The following ZNF574 variants were observed in gnomAD, a reference collection of about 807,000 sequenced individuals.
ZNF574 encodes zinc finger protein 574.
A neutral mutation model predicts 56.6 loss-of-function variants in ZNF574; 25 were observed. That is an observed-to-expected ratio of 0.44 (90% CI 0.32 to 0.62). ZNF574 has a LOEUF of 0.62. Ranked by LOEUF, ZNF574 falls within the 20% of genes least tolerant of loss-of-function variation. ZNF574 has a pLI of 0.04. For missense variants in ZNF574, 1,065 were observed against 1,218.9 expected (o/e 0.87, Z 1.88); for synonymous variants, 543 against 492.1 (o/e 1.10, Z -1.37).
chr19:42,080,150 G>T lies in ZNF574; in HGVS notation c.1544G>T (p.Arg515Leu). 6.2e-7 allele frequency: 1 copy of T among 1,613,948 alleles called. No individual in the cohort carries two copies. The highest frequency in any genetic ancestry group is 8.5e-7 in the Non-Finnish European group (1 of 1,180,002). The change falls in exon 2 of 2, where the codon CGC becomes CTC. Residue 515 changes from arginine (R) to leucine (L), a missense_variant. Transcript: ENST00000359044. This position sits in a 1 kb window ranked among gnomAD's most constrained non-coding sequence, Gnocchi z 8.5. ...AAGTCTCACGTGCGTAACCACCTGC[G>T]CACACACACAGGGGAGCGGCCCTTC... ...KKKSHVRNHLRTHTGERPFPC... is the reference protein window; with the variant it reads ...KKKSHVRNHLLTHTGERPFPC...
chr19:42,079,899 C>T lies in ZNF574; in HGVS notation c.1293C>T (p.Val431=), dbSNP rs1802672266. The change falls in exon 2 of 2, where the codon GTC becomes GTT. Residue 431 remains valine, a synonymous_variant. Transcript: ENST00000359044. This position sits in a 1 kb window ranked among gnomAD's most constrained non-coding sequence, Gnocchi z 4.3. ...CACCAGTCCCACCAGAGGAACCTGT[C>T]ATTGGTTTCCCTGAGCCAGCCCCAG... The part of the protein sequence containing the change: ...PTTPVPPEEP[V]IGFPEPAPAE... The T allele has an allele frequency of 3.1e-6, 5 of 1,614,084 alleles. No individual in the cohort carries two copies. The highest frequency in any genetic ancestry group is 4.2e-6 in the Non-Finnish European group (5 of 1,180,040).
At chr19:42,070,367 A>G in intron 1 of ZNF574, 1 of 153,450 alleles carries the variant, frequency 6.5e-6, no homozygotes, top group Non-Finnish European at 1.4e-5. Flanking sequence ...GAGAATGCTG[A>G]TGAGAAGAAG....
chr19:42,076,803 A>G (rs1251618852), intron 1 of ZNF574, among the ~76,000 whole-genome samples: 3 of 151,960 alleles, frequency 2.0e-5, no homozygotes, highest in African/African-American at 4.8e-5. Flanking sequence ...GGAAATCGAT[A>G]TCCCCAAGGG....
upstream of ZNF574, among the ~76,000 whole-genome samples, chr19:42,072,324 T>A (rs2076430192): frequency 1.3e-5 from 2 of 148,318 alleles, no homozygotes; most frequent in African/African-American, 5.0e-5. Flanking sequence ...AAGCTCTGCC[T>A]CCTGGGTTCA....
exon 1 of ZNF574, chr19:42,068,511 C>A: frequency 2.6e-6 from 1 of 385,622 alleles, no homozygotes. Flanking sequence ...GCCGGGCACC[C>A]AGAGTGGATC....
At chr19:42,074,878 C>G (rs749376589), upstream of ZNF574, 1 of 152,186 alleles carries the variant, frequency 6.6e-6, no homozygotes, top group Non-Finnish European at 1.5e-5. Context: ...AGGAGTAGGT[C>G]TGGAAATGTT....
upstream of ZNF574, among the ~76,000 whole-genome samples, chr19:42,075,707 C>T (rs2076450142): frequency 6.6e-6 from 1 of 152,038 alleles, no homozygotes; most frequent in South Asian, 2.1e-4. Context: ...CCCGTGCCTC[C>T]ATTCCCCCGC....
chr19:42,069,033 T>C (rs545318506), intron 1 of ZNF574: 19 of 507,122 alleles, frequency 3.7e-5, no homozygotes, highest in African/African-American at 2.8e-4. Context: ...GGGGCGGCAG[T>C]GAGCTATGTA....
At position 42,079,432 on chromosome 19, in the gene ZNF574, T is replaced by TA; in HGVS notation, c.827dup (p.Tyr276Ter). 1 of 1,613,676 alleles carries TA rather than the reference T, an allele frequency of 6.2e-7. No individual in the cohort carries two copies. Among genetic ancestry groups the TA allele is most frequent in the Non-Finnish European group, 8.5e-7 (1 of 1,180,032 alleles). Reference protein sequence around the residue: ...PDPLPASDHSYELRNGEAIGR... With the variant: ...PDPLPASDHS Reference sequence around the variant, plus strand: ...CCCCTTGCCAGCTTCTGACCACAGTTACGAGCTGCGCAATGGTGAAGCCAT... The same window carrying TA: ...CCCCTTGCCAGCTTCTGACCACAGTTAACGAGCTGCGCAATGGTGAAGCCAT... Residue 276 changes from tyrosine to a stop codon, truncating the protein, a stop_gained and frameshift_variant, in exon 2 of 2, where the codon TAC (tyrosine) becomes TAAC (stop). Coordinates refer to ENST00000359044, the MANE Select transcript of ZNF574 (RefSeq NM_022752.6). LOFTEE classifies it high-confidence loss of function. The surrounding 1 kb of genome is among the most constrained non-coding windows in gnomAD (Gnocchi z 4.3).
In ZNF574 at chr19:42,080,515, C is replaced by T. The variant is rs772338050; in HGVS notation, c.1909C>T (p.Arg637Cys). ...GGTCCATGCCGGGCGCCAGCCCCAC[C>T]GCTGCCCATCCTGTGGGGCTGCCTT... is the stretch of plus-strand genomic sequence containing the variant. The part of the protein sequence containing the change: ...LVVHAGRQPH[R>C]CPSCGAAFPS... The change falls in exon 2 of 2, where the codon CGC becomes TGC. Residue 637 changes from arginine (R) to cysteine (C), a missense_variant. Coordinates refer to ENST00000359044, the MANE Select transcript of ZNF574 (RefSeq NM_022752.6). The surrounding 1 kb of genome is among the most constrained non-coding windows in gnomAD (Gnocchi z 8.5). The T allele has an allele frequency of 4.2e-5, 68 of 1,613,526 alleles. No individual in the cohort carries two copies. The highest frequency in any genetic ancestry group is 6.7e-5 in the African/African-American group (5 of 74,932).
At chr19:42,069,326 C>G in intron 1 of ZNF574, 1 of 146,036 alleles carries the variant, frequency 6.8e-6, no homozygotes, top group Non-Finnish European at 1.5e-5. Flanking sequence ...GGTGGTGGGG[C>G]TGGGCGGGGG....
At chr19:42,077,522 G>T (rs754068974) in intron 1 of ZNF574, among the ~76,000 whole-genome samples, 4 of 152,138 alleles carry the variant, frequency 2.6e-5, no homozygotes, top group Non-Finnish European at 5.9e-5. Context: ...TTGCAAGAGA[G>T]GCATAGGTTG....
chr19:42,080,437 G>T lies in ZNF574; in HGVS notation c.1831G>T (p.Glu611Ter). Residue 611 changes from glutamate to a stop codon, truncating the protein, a stop_gained, in exon 2 of 2, where the codon GAG becomes TAG. Coordinates refer to ENST00000359044, the MANE Select transcript of ZNF574 (RefSeq NM_022752.6). LOFTEE classifies it high-confidence loss of function. The surrounding 1 kb of genome is among the most constrained non-coding windows in gnomAD (Gnocchi z 8.5). ...HTGEYPYKCRECPRSFLLRRL... is the reference protein window; with the variant it reads ...HTGEYPYKCR ...AGGTGAATACCCCTACAAGTGTCGC[G>T]AGTGCCCCCGCTCCTTCTTGCTGCG... is the stretch of plus-strand genomic sequence containing the variant. 6.2e-7 allele frequency: 1 copy of T among 1,614,206 alleles called. No individual in the cohort carries two copies.
chr19:42,074,512 G>A (rs766056615), upstream of ZNF574, among the ~76,000 whole-genome samples: 3 of 150,552 alleles, frequency 2.0e-5, no homozygotes, highest in Admixed American at 2.0e-4. Context: ...AAAATAAAAT[G>A]AGTAACTCCT....
Position 42,080,832 on chromosome 19 carries a change from G to C in ZNF574, c.2226G>C (p.Glu742Asp). 2 of 1,614,072 alleles carry C rather than the reference G, an allele frequency of 1.2e-6. No individual in the cohort carries two copies. Among genetic ancestry groups the C allele is most frequent in the Non-Finnish European group, 1.7e-6 (2 of 1,180,026 alleles). Residue 742 changes from glutamate (E) to aspartate (D), a missense_variant, in exon 2 of 2, where the codon GAG becomes GAC. Transcript: ENST00000359044. This position sits in a 1 kb window ranked among gnomAD's most constrained non-coding sequence, Gnocchi z 8.5. The part of the protein sequence containing the change: ...PARRRGLECS[E>D]CKKLFSTETS... The stretch of plus-strand genomic sequence containing the variant: ...GCCGCCGGGGTCTAGAGTGCAGCGA[G>C]TGCAAGAAGCTGTTCAGCACAGAGA...
At chr19:42,069,752 T>C (rs1438535203) in intron 1 of ZNF574, among the ~76,000 whole-genome samples, 1 of 150,636 alleles carries the variant, frequency 6.6e-6, no homozygotes, top group African/African-American at 2.4e-5. Flanking sequence ...GGCCGCCCCC[T>C]TTCCCCCTCC....
Position 42,081,224 on chromosome 19 carries a change from A to C in ZNF574, c.2618A>C (p.Glu873Ala), listed in dbSNP as rs1568946748. 2.5e-6 allele frequency: 4 copies of C among 1,614,032 alleles called. No individual in the cohort carries two copies. The highest frequency in any genetic ancestry group is 3.4e-6 in the Non-Finnish European group (4 of 1,180,010). ...CTGGCCGTCATGGAGACTGCTGTGG[A>C]GGCGCTACCCCTGGTGGAAGCCATT... ...VGLAVMETAVEALPLVEAIEI... is the reference protein window; with the variant it reads ...VGLAVMETAVAALPLVEAIEI... The change falls in exon 2 of 2, where the codon GAG becomes GCG. Residue 873 changes from glutamate to alanine, a missense_variant. Glu to Ala is a moderately radical substitution (Grantham distance 107). Transcript: ENST00000359044.
rs1326458449 is a variant in ZNF574 at position 42,080,603 on chromosome 19, G to A, written c.1997G>A (p.Arg666His). Reference protein sequence around the residue: ...CAAAAAQAPRRFECGTCGKKV... With the variant: ...CAAAAAQAPRHFECGTCGKKV... ...GCCGCTGCTGCCCAGGCCCCACGGC[G>A]CTTTGAGTGTGGCACCTGTGGCAAG... is the stretch of plus-strand genomic sequence containing the variant. The change falls in exon 2 of 2, where the codon CGC becomes CAC. Residue 666 changes from arginine (R) to histidine (H), a missense_variant. By Grantham distance (29) the Arg-to-His change is conservative. Transcript: ENST00000359044. This position sits in a 1 kb window ranked among gnomAD's most constrained non-coding sequence, Gnocchi z 8.5. 3.1e-6 allele frequency: 5 copies of A among 1,612,698 alleles called. No individual in the cohort carries two copies. Among genetic ancestry groups the A allele is most frequent in the Admixed American group, 1.7e-5 (1 of 60,014 alleles).
Position 42,080,784 on chromosome 19 carries a change from A to G in ZNF574, c.2178A>G (p.Thr726=). ...CAGCAGCCCTTGGAAGCACTGCTAC[A>G]GCATCCCCTGCGGCCCCTGCCCGCC... ...ASPAALGSTA[T]ASPAAPARRR... is the part of the protein sequence containing the mutation. Residue 726 remains threonine, a synonymous_variant, in exon 2 of 2, where the codon ACA becomes ACG. Transcript: ENST00000359044. This position sits in a 1 kb window ranked among gnomAD's most constrained non-coding sequence, Gnocchi z 8.5. 3.1e-6 allele frequency: 5 copies of G among 1,614,046 alleles called. No homozygotes were observed. Among genetic ancestry groups the G allele is most frequent in the Non-Finnish European group, 4.2e-6 (5 of 1,180,028 alleles).
Sources: allele counts gnomAD v4.1 joint callset (sites outside exome capture counted in the v4.1 genomes callset), GRCh38; gene constraint gnomAD v4.1.1; non-coding constraint Gnocchi (gnomAD v3.1); transcripts MANE v1.5; gene names NCBI Gene and HGNC (gene_info 2026-07-23, HGNC 2026-07-21).